ZNF469: variants seen among roughly 807,000 people sequenced by gnomAD.
The protein encoded by ZNF469 is zinc finger protein 469.
Under a neutral mutation model 1.0 loss-of-function variants are expected in ZNF469, and 1 was observed. The ratio of observed to expected loss-of-function variants is 1.00; its 90% CI spans 0.35 to 4.73. ZNF469 has a LOEUF of 4.73. Ranked by LOEUF, ZNF469 falls within the 30% of genes most tolerant of loss-of-function variation. The pLI is 0.16. For synonymous variants in ZNF469, 2,703 were observed against 2,363.4 expected, an observed-to-expected ratio of 1.14 and a Z score of -4.17; for missense variants, 6,100 against 5,356.3, an observed-to-expected ratio of 1.14 and a Z score of -4.33.
At chr16:88,250,578 C>T in the ZNF469 span, among the ~76,000 whole-genome samples, 7 of 152,300 alleles carry the variant, frequency 4.6e-5, no homozygotes, top group Non-Finnish European at 8.8e-5. Context: ...GTGACTTTCC[C>T]TCTCATGCCT....
rs544805267 is a variant in ZNF469 at position 88,396,063 on chromosome 16, C to T, written c.-192+12809C>T. On this transcript the variant is annotated intron_variant, in intron 1 of 2. Coordinates refer to ENST00000565624, the MANE Select transcript of ZNF469 (RefSeq NM_001367624.2). ...GGGACCATCTGTCGTGTATCCACTC[C>T]ACGTCCCTTCTCCCCGTAATCCCAC... 2.3e-4 allele frequency among the ~76,000 whole-genome samples: 35 copies of T among 152,382 alleles called. No homozygotes were observed. In the South Asian group the frequency reaches 7.0e-3, roughly 31 times the overall value.
chr16:88,306,909 C>T, the ZNF469 span, among the ~76,000 whole-genome samples: 1 of 152,176 alleles, frequency 6.6e-6, no homozygotes, highest in Non-Finnish European at 1.5e-5. Context: ...TGTGAATTCA[C>T]AGAATTGTGC....
intron 1 of ZNF469, among the ~76,000 whole-genome samples, chr16:88,405,519 A>G (rs904786): frequency 1 from 152,200 of 152,300 alleles, 76,050 homozygotes; most frequent in Non-Finnish European, 1. Context: ...CCAGCAACTG[A>G]GGCATTTGCA....
At chr16:88,341,939 G>A in the ZNF469 span, among the ~76,000 whole-genome samples, 3 of 152,314 alleles carry the variant, frequency 2.0e-5, no homozygotes, top group East Asian at 1.9e-4. Context: ...TGCAGGTGTC[G>A]GGGCGGCCAG....
chr16:88,343,580 G>A, the ZNF469 span, among the ~76,000 whole-genome samples: 23 of 152,120 alleles, frequency 1.5e-4, no homozygotes, highest in Non-Finnish European at 8.8e-5. Flanking sequence ...GAAGTCCAAG[G>A]TCGAGCGGCT....
chr16:88,153,666 G>A, the ZNF469 span, among the ~76,000 whole-genome samples: 20 of 152,344 alleles, frequency 1.3e-4, no homozygotes, highest in South Asian at 3.5e-3. Context: ...ACACAGCCCC[G>A]GGTGCCTGAG....
At chr16:88,201,643 G>A in the ZNF469 span, among the ~76,000 whole-genome samples, 1 of 152,208 alleles carries the variant, frequency 6.6e-6, no homozygotes, top group African/African-American at 2.4e-5. The surrounding 1 kb of genome is among the most constrained non-coding windows in gnomAD (Gnocchi z 5.0). Context: ...GTGGCTGCCG[G>A]CAGTCCTGCA....
chr16:88,214,997 CTT>C, the ZNF469 span, among the ~76,000 whole-genome samples: 1 of 152,138 alleles, frequency 6.6e-6, no homozygotes, highest in Non-Finnish European at 1.5e-5. Context: ...ATGCTCCTCG[CTT>C]TATAGCTTTA....
the ZNF469 span, among the ~76,000 whole-genome samples, chr16:88,345,238 G>A: frequency 6.6e-6 from 1 of 152,232 alleles, no homozygotes; most frequent in African/African-American, 2.4e-5. Context: ...CCCTGGCATG[G>A]CGCCATCCAC....
At chr16:88,402,925 C>T (rs1204534635) in intron 1 of ZNF469, among the ~76,000 whole-genome samples, 2 of 151,008 alleles carry the variant, frequency 1.3e-5, no homozygotes, top group African/African-American at 5.0e-5. Context: ...CAGCTGAGAA[C>T]CCCCACGCCG....
intron 1 of ZNF469, among the ~76,000 whole-genome samples, chr16:88,387,333 G>C (rs1224795057): frequency 2.0e-5 from 3 of 152,190 alleles, no homozygotes; most frequent in Non-Finnish European, 2.9e-5. Context: ...CTCCCCCCTT[G>C]GTCTGGGTTC....
the ZNF469 span, among the ~76,000 whole-genome samples, chr16:88,159,930 G>A: frequency 6.6e-5 from 10 of 152,208 alleles, no homozygotes; most frequent in Admixed American, 1.3e-4. Context: ...TGCCTCCCCC[G>A]TCTGAACTGG....
chr16:88,279,337 C>T, the ZNF469 span, among the ~76,000 whole-genome samples: 2 of 151,186 alleles, frequency 1.3e-5, no homozygotes, highest in Non-Finnish European at 2.9e-5. Context: ...TTGTAGATAT[C>T]AGTGCACGGT....
the ZNF469 span, among the ~76,000 whole-genome samples, chr16:88,198,874 G>T: frequency 6.6e-6 from 1 of 152,262 alleles, no homozygotes; most frequent in African/African-American, 2.4e-5. Context: ...CCTGTGTGTG[G>T]CTCACATTGG....
At chr16:88,269,929 C>T in the ZNF469 span, among the ~76,000 whole-genome samples, 57 of 152,220 alleles carry the variant, frequency 3.7e-4, no homozygotes, top group African/African-American at 1.3e-3. Flanking sequence ...AGCCACTTCT[C>T]CATGGAGCCC....
At chr16:88,163,693 G>A in the ZNF469 span, among the ~76,000 whole-genome samples, 1 of 151,246 alleles carries the variant, frequency 6.6e-6, no homozygotes, top group Admixed American at 6.6e-5. Flanking sequence ...TGGGTGGGTG[G>A]ATGTATGATG....
the ZNF469 span, among the ~76,000 whole-genome samples, chr16:88,231,090 G>A: frequency 6.6e-6 from 1 of 152,150 alleles, no homozygotes; most frequent in African/African-American, 2.4e-5. The surrounding 1 kb of genome is among the most constrained non-coding windows in gnomAD (Gnocchi z 4.5). Flanking sequence ...AGCCCTTCCC[G>A]GGCTGGAGAG....
Position 88,434,850 on chromosome 16 carries a change from C to G in ZNF469, c.7380C>G (p.Asn2460Lys). Residue 2460 changes from asparagine (N) to lysine (K), a missense_variant, in exon 3 of 3, where the codon AAC becomes AAG. Physicochemically the swap from Asn to Lys is moderately conservative, Grantham distance 94. Coordinates refer to ENST00000565624, the MANE Select transcript of ZNF469 (RefSeq NM_001367624.2). ...GYKKKPASTE[N>K]GQWKGQAPHG... The stretch of plus-strand genomic sequence containing the variant: ...AAAAGAAGCCTGCATCTACAGAGAA[C>G]GGCCAGTGGAAGGGCCAAGCTCCAC... 1 of 1,550,354 alleles carries G rather than the reference C, an allele frequency of 6.5e-7. No individual in the cohort carries two copies. Among genetic ancestry groups the G allele is most frequent in the Non-Finnish European group, 8.7e-7 (1 of 1,146,992 alleles).
At chr16:88,264,544 C>T in the ZNF469 span, among the ~76,000 whole-genome samples, 9 of 151,436 alleles carry the variant, frequency 5.9e-5, no homozygotes, top group Non-Finnish European at 5.9e-5. Context: ...GAGCTCAGCC[C>T]TGGCCCCTCA....
Sources: allele counts gnomAD v4.1 joint callset (sites outside exome capture counted in the v4.1 genomes callset), GRCh38; gene constraint gnomAD v4.1.1; non-coding constraint Gnocchi (gnomAD v3.1); transcripts MANE v1.5; gene names NCBI Gene and HGNC (gene_info 2026-07-23, HGNC 2026-07-21).